RBMS1: variants seen among roughly 807,000 people sequenced by gnomAD.
RBMS1 encodes the protein RNA binding motif single stranded interacting protein 1.
RBMS1 carries 17 observed loss-of-function variants against 62.3 expected under a neutral mutation model. The ratio of observed to expected loss-of-function variants is 0.27; its 90% CI spans 0.19 to 0.41. The LOEUF (loss-of-function observed/expected upper bound fraction) is 0.41. Ranked by LOEUF, RBMS1 falls within the 10% of genes least tolerant of loss-of-function variation. The pLI is 1.00. For missense variants in RBMS1, 334 were observed against 504.5 expected (o/e 0.66, Z 3.24); for synonymous variants, 172 against 170.0 (o/e 1.01, Z -0.09).
In RBMS1 at chr2:160,369,933, C is replaced by A. The variant is rs76763077; in HGVS notation, c.76-2542G>T. On this transcript the variant is annotated intron_variant, in intron 1 of 13. Transcript: ENST00000348849. ...TTTTTATTTATGTATTCATTTCTGG[C>A]CAAAATACAGCTATGATTTACATAT... 4.8e-4 allele frequency among the ~76,000 whole-genome samples: 73 copies of A among 152,142 alleles called. 1 individual carries two copies. In the East Asian group the frequency reaches 0.013, roughly 27 times the overall value.
intron 2 of RBMS1, among the ~76,000 whole-genome samples, chr2:160,323,171 T>A (rs1261899907): frequency 1.5e-5 from 1 of 66,090 alleles, no homozygotes; most frequent in African/African-American, 5.1e-5. Flanking sequence ...GTAGCTTAAT[T>A]TTTTTTTTTT....
chr2:160,396,113 G>A (rs143699088), intron 1 of RBMS1, among the ~76,000 whole-genome samples: 213 of 152,076 alleles, frequency 1.4e-3, no homozygotes, highest in African/African-American at 4.3e-3. Flanking sequence ...ATGTCCCTTC[G>A]AGTGATAAGA....
intron 1 of RBMS1, among the ~76,000 whole-genome samples, chr2:160,404,247 G>T (rs1559510290): frequency 6.6e-6 from 1 of 152,104 alleles, no homozygotes; most frequent in Non-Finnish European, 1.5e-5. Context: ...GTGCTCACAG[G>T]CCTGTGAGGC....
At chr2:160,326,638 A>G (rs1425795779) in intron 2 of RBMS1, among the ~76,000 whole-genome samples, 1 of 152,196 alleles carries the variant, frequency 6.6e-6, no homozygotes, top group Non-Finnish European at 1.5e-5. Flanking sequence ...TAGTAAGATT[A>G]ACGAAAATTT....
intron 1 of RBMS1, among the ~76,000 whole-genome samples, chr2:160,426,319 AAGG>A (rs1682613174): frequency 2.0e-5 from 2 of 100,888 alleles, no homozygotes; most frequent in Non-Finnish European, 4.6e-5. Flanking sequence ...GGAAGGAAGG[AAGG>A]AAGGAAGGAA....
intron 1 of RBMS1, among the ~76,000 whole-genome samples, chr2:160,406,614 C>A (rs535701754): frequency 6.6e-6 from 1 of 152,350 alleles, no homozygotes; most frequent in Admixed American, 6.5e-5. Context: ...AACAGACTTG[C>A]ACATTTTTTA....
intron 4 of RBMS1, among the ~76,000 whole-genome samples, chr2:160,311,236 A>C (rs199927323): frequency 0.086 from 5,211 of 60,274 alleles, 253 homozygotes; most frequent in East Asian, 0.23. Context: ...ATCTATCTAT[A>C]TATATATATA....
intron 1 of RBMS1, among the ~76,000 whole-genome samples, chr2:160,375,430 A>G (rs1256286794): frequency 1.3e-5 from 2 of 152,256 alleles, no homozygotes; most frequent in African/African-American, 4.8e-5. Context: ...ATGTAAAACA[A>G]AAAACAATCT....
At chr2:160,283,053 TCTC>T (rs1258103317) in intron 9 of RBMS1, 4 of 152,208 alleles carry the variant, frequency 2.6e-5, no homozygotes, top group Non-Finnish European at 5.9e-5. Flanking sequence ...CTGACACAGA[TCTC>T]CTAATTTTTA....
At chr2:160,443,606 C>T (rs58247450) in intron 1 of RBMS1, among the ~76,000 whole-genome samples, 3,350 of 152,150 alleles carry the variant, frequency 0.022, 107 homozygotes, top group African/African-American at 0.071. Flanking sequence ...TGTGAAGTGC[C>T]TGCTCTGGCT....
intron 2 of RBMS1, among the ~76,000 whole-genome samples, chr2:160,341,327 A>C (rs1006087857): frequency 6.6e-6 from 1 of 152,150 alleles, no homozygotes; most frequent in Non-Finnish European, 1.5e-5. Flanking sequence ...ACACCCTTTT[A>C]CTACCATCTT....
At chr2:160,332,176 T>C (rs1437193767) in intron 2 of RBMS1, among the ~76,000 whole-genome samples, 1 of 152,180 alleles carries the variant, frequency 6.6e-6, no homozygotes, top group South Asian at 2.1e-4. Context: ...GGGTTGGGGA[T>C]AGAGGCTTTG....
At chr2:160,428,105 T>C (rs1025572239) in intron 1 of RBMS1, among the ~76,000 whole-genome samples, 2 of 152,062 alleles carry the variant, frequency 1.3e-5, no homozygotes, top group South Asian at 2.1e-4. Context: ...AGCCTACATA[T>C]TTTAATCACC....
intron 1 of RBMS1, among the ~76,000 whole-genome samples, chr2:160,452,896 G>T (rs1574078395): frequency 2.6e-5 from 4 of 152,180 alleles, no homozygotes; most frequent in African/African-American, 9.7e-5. Context: ...CTCCAGACTT[G>T]GTGAGGGAAG....
At chr2:160,315,998 T>A (rs952543822) in intron 3 of RBMS1, among the ~76,000 whole-genome samples, 1 of 152,214 alleles carries the variant, frequency 6.6e-6, no homozygotes, top group Non-Finnish European at 1.5e-5. Context: ...TAAAGTCCTT[T>A]GATCTGCTTA....
chr2:160,291,041 CT>C (rs966813423), intron 6 of RBMS1, among the ~76,000 whole-genome samples: 11 of 152,314 alleles, frequency 7.2e-5, no homozygotes, highest in African/African-American at 2.2e-4. Flanking sequence ...TAAAAAATCA[CT>C]TCTAGAATGC....
intron 1 of RBMS1, among the ~76,000 whole-genome samples, chr2:160,401,000 T>A (rs2105231580): frequency 1.3e-5 from 2 of 152,322 alleles, no homozygotes; most frequent in South Asian, 4.1e-4. Context: ...GTTTTGTTTT[T>A]TCACTGTCTT....
intron 2 of RBMS1, among the ~76,000 whole-genome samples, chr2:160,320,827 C>T (rs1029512893): frequency 6.6e-6 from 1 of 152,046 alleles, no homozygotes; most frequent in Non-Finnish European, 1.5e-5. Context: ...TATTCCTTTA[C>T]AGGAACACGA....
At chr2:160,407,385 G>A (rs1695793977) in intron 1 of RBMS1, 1 of 985,788 alleles carries the variant, frequency 1.0e-6, no homozygotes, top group Non-Finnish European at 1.2e-6. Context: ...CTCCGAGGAG[G>A]CGCGGAGCCC....
Sources: gnomAD v4.1 joint callset for allele counts (sites outside exome capture counted in the v4.1 genomes callset) on GRCh38, gnomAD v4.1.1 for gene constraint, MANE v1.5 for transcripts, NCBI Gene and HGNC (gene_info 2026-07-23, HGNC 2026-07-21) for gene names.